DOCK5: variants seen among roughly 807,000 people sequenced by gnomAD.
The protein encoded by DOCK5 is dedicator of cytokinesis 5, also known as dedicator of cytokinesis protein 5.
Under a neutral mutation model 251.8 loss-of-function variants are expected in DOCK5, and 142 were observed. The observed-to-expected ratio is 0.56, with a 90% CI of 0.49 to 0.65. The LOEUF (loss-of-function observed/expected upper bound fraction) is 0.65. DOCK5 is among the 30% of genes least tolerant of loss of function. The pLI is 0.00. For synonymous variants in DOCK5, 842 were observed against 835.5 expected (o/e 1.01, Z -0.13); for missense variants, 2,111 against 2,312.3 (o/e 0.91, Z 1.79).
chr8:25,352,035 C>G (rs1038911238), intron 27 of DOCK5, among the ~76,000 whole-genome samples: 1 of 151,568 alleles, frequency 6.6e-6, no homozygotes, highest in Non-Finnish European at 1.5e-5. Flanking sequence ...ATAGTGAGAC[C>G]CCATCCCTAC....
intron 36 of DOCK5, 131 bp downstream of exon 36, chr8:25,373,789 C>T (rs1563220606): frequency 2.5e-6 from 2 of 810,976 alleles, no homozygotes; most frequent in South Asian, 1.7e-5. Context: ...ATGATACGCT[C>T]CATTCACCCT....
In DOCK5 at chr8:25,332,535, C is replaced by T. The variant is rs1160527066; in HGVS notation, c.2002-68C>T. ...ACCTCTTTGATTTAAACTAGTTGTACCCAGATTTCTGTGGTGTGGGGCTGA... is the reference window on the plus strand; with the variant it reads ...ACCTCTTTGATTTAAACTAGTTGTATCCAGATTTCTGTGGTGTGGGGCTGA... On this transcript the variant is annotated intron_variant, in intron 19 of 51. Coordinates refer to ENST00000276440, the MANE Select transcript of DOCK5 (RefSeq NM_024940.8). 3 of 1,377,110 alleles carry T rather than the reference C, an allele frequency of 2.2e-6. No homozygotes were observed. In the East Asian group the frequency reaches 7.2e-5, roughly 33 times the overall value. The allele number at this position is 1,377,110 out of a possible 1,614,324, so 85.3% of individuals were successfully genotyped here. A position where few individuals can be genotyped will look rare whatever the true frequency, so the allele number is the denominator to read the frequency against.
rs1804107672 is a variant in DOCK5 at position 25,278,597 on chromosome 8, C to T, written c.253C>T (p.Leu85Phe). The change falls in exon 5 of 52, where the codon CTC becomes TTC. Residue 85 changes from leucine (L) to phenylalanine (F), a missense_variant. Physicochemically the swap from Leu to Phe is conservative, Grantham distance 22. This residue lies in a region of DOCK5 where 335 missense variants were observed against 324.9 expected (regional missense o/e 1.03). Coordinates refer to ENST00000276440, the MANE Select transcript of DOCK5 (RefSeq NM_024940.8). ...GQHETVIPGE[L>F]PLVQELTSTL... is the part of the protein sequence containing the mutation. Reference sequence around the variant, plus strand: ...GCATGAAACCGTGATTCCTGGCGAGCTCCCCCTGGTGCAGGAGCTCACGTC... The same window carrying T: ...GCATGAAACCGTGATTCCTGGCGAGTTCCCCCTGGTGCAGGAGCTCACGTC... The T allele has an allele frequency of 1.2e-6, 2 of 1,613,848 alleles. No homozygotes were observed. The highest frequency in any genetic ancestry group is 1.3e-5 in the African/African-American group (1 of 74,914).
chr8:25,244,544 A>G (rs530478149), intron 2 of DOCK5, among the ~76,000 whole-genome samples: 1 of 152,364 alleles, frequency 6.6e-6, no homozygotes, highest in South Asian at 2.1e-4. Context: ...TAGGGTACAA[A>G]TGAGGTGGAA....
chr8:25,201,576 G>A, intron 1 of DOCK5, among the ~76,000 whole-genome samples: 1 of 152,210 alleles, frequency 6.6e-6, no homozygotes, highest in South Asian at 2.1e-4. Flanking sequence ...GCCAAGCCAT[G>A]CTTGAAATCA....
At chr8:25,268,753 A>T in intron 2 of DOCK5, 92 bp from the exon 3 acceptor site, 1 of 1,053,040 alleles carries the variant, frequency 9.5e-7, no homozygotes, top group Non-Finnish European at 1.4e-6. Flanking sequence ...GTATCCCAGT[A>T]TTGCTAATAG....
At chr8:25,296,793 G>A (rs1277371633) in intron 7 of DOCK5, 145 bp downstream of exon 7, 1 of 973,126 alleles carries the variant, frequency 1.0e-6, no homozygotes, top group Non-Finnish European at 1.5e-6. Flanking sequence ...CAGAAAGGAT[G>A]AGGCAGGTAT....
At chr8:25,283,602 C>G (rs981794834) in intron 5 of DOCK5, among the ~76,000 whole-genome samples, 4 of 144,594 alleles carry the variant, frequency 2.8e-5, no homozygotes, top group African/African-American at 4.9e-5. Context: ...GACACCCTCC[C>G]TCTGGGAAGC....
intron 12 of DOCK5, among the ~76,000 whole-genome samples, chr8:25,309,364 T>G (rs1224465471): frequency 6.6e-6 from 1 of 151,996 alleles, no homozygotes; most frequent in Non-Finnish European, 1.5e-5. Flanking sequence ...TTAAATTTTT[T>G]GTAGAGATGG....
In DOCK5 at chr8:25,299,065, T is replaced by C; in HGVS notation, c.728T>C (p.Met243Thr). 1 of 1,613,930 alleles carries C rather than the reference T, an allele frequency of 6.2e-7. No individual in the cohort carries two copies. The highest frequency in any genetic ancestry group is 2.2e-5 in the East Asian group (1 of 44,872). ...CNIGEDAELFMALYDPDQSTF... is the reference protein window; with the variant it reads ...CNIGEDAELFTALYDPDQSTF... The stretch of plus-strand genomic sequence containing the variant: ...ATCGGGGAAGATGCAGAGTTGTTTA[T>C]GGCCCTCTACGACCCAGACCAGTCC... The change falls in exon 8 of 52, where the codon ATG becomes ACG. Residue 243 changes from methionine to threonine, a missense_variant. Coordinates refer to ENST00000276440, the MANE Select transcript of DOCK5 (RefSeq NM_024940.8).
chr8:25,407,239 T>TAGTAGTAATAA (rs1563234156), intron 48 of DOCK5, among the ~76,000 whole-genome samples: 2 of 152,064 alleles, frequency 1.3e-5, no homozygotes, highest in Non-Finnish European at 2.9e-5. Context: ...TCTAGATTAC[T>TAGTAGTAATAA]TCTAGAATCT....
At chr8:25,298,552 G>A (rs964630696) in intron 7 of DOCK5, among the ~76,000 whole-genome samples, 4 of 152,114 alleles carry the variant, frequency 2.6e-5, no homozygotes, top group African/African-American at 4.8e-5. Flanking sequence ...CTTAGCAAAT[G>A]CACTTCCTCT....
chr8:25,380,762 A>T (rs1420063823), intron 39 of DOCK5, among the ~76,000 whole-genome samples: 1 of 152,170 alleles, frequency 6.6e-6, no homozygotes, highest in Non-Finnish European at 1.5e-5. Context: ...ATTCCCAGCC[A>T]TCAGTAAAGC....
At chr8:25,319,746 C>T in intron 15 of DOCK5, 70 bp downstream of exon 15, 1 of 1,151,560 alleles carries the variant, frequency 8.7e-7, no homozygotes, top group Admixed American at 2.6e-5. Context: ...TCTGTTTACC[C>T]CCAAATTATT....
chr8:25,356,942 TATA>T (rs1231588432), intron 27 of DOCK5, among the ~76,000 whole-genome samples: 1 of 109,148 alleles, frequency 9.2e-6, no homozygotes, highest in Non-Finnish European at 1.9e-5. Context: ...TATATATATA[TATA>T]TGCAAATTAA....
At chr8:25,266,397 A>G (rs1347674815) in intron 2 of DOCK5, among the ~76,000 whole-genome samples, 2 of 150,538 alleles carry the variant, frequency 1.3e-5, no homozygotes, top group Non-Finnish European at 2.9e-5. Flanking sequence ...TTGTATTTTT[A>G]GTAGAGACGG....
chr8:25,319,723 T>G (rs1450486342), intron 15 of DOCK5, 47 bp downstream of exon 15: 2 of 1,367,764 alleles, frequency 1.5e-6, no homozygotes, highest in Non-Finnish European at 2.0e-6. Context: ...AAACCTCAGT[T>G]AGATTCCTAT....
chr8:25,249,868 T>C (rs1803220882), intron 2 of DOCK5, among the ~76,000 whole-genome samples: 1 of 152,216 alleles, frequency 6.6e-6, no homozygotes, highest in African/African-American at 2.4e-5. Flanking sequence ...TCCCAGTGTG[T>C]TGGGATTATA....
intron 1 of DOCK5, among the ~76,000 whole-genome samples, chr8:25,202,781 C>G (rs1246395568): frequency 1.3e-5 from 2 of 152,164 alleles, no homozygotes; most frequent in East Asian, 3.8e-4. Flanking sequence ...AAAGAACAAT[C>G]AACACAATAT....
Sources: gnomAD v4.1 joint callset for allele counts (sites outside exome capture counted in the v4.1 genomes callset) on GRCh38, gnomAD v4.1.1 for gene constraint, gnomAD v4.1.1 regional missense constraint, MANE v1.5 for transcripts, NCBI Gene and HGNC (gene_info 2026-07-23, HGNC 2026-07-21) for gene names.